GK5: variants seen among roughly 807,000 people sequenced by gnomAD.
The protein encoded by GK5 is glycerol kinase 5.
A neutral mutation model predicts 77.3 loss-of-function variants in GK5; 39 were observed. The ratio of observed to expected loss-of-function variants is 0.50; its 90% CI spans 0.39 to 0.66. The LOEUF is 0.66. GK5 is among the 30% of genes least tolerant of loss of function. GK5 has a pLI of 0.00. For missense variants in GK5, 487 were observed against 633.8 expected, an observed-to-expected ratio of 0.77 and a Z score of 2.49; for synonymous variants, 211 against 208.0, an observed-to-expected ratio of 1.01 and a Z score of -0.13.
In GK5 at chr3:142,225,442, A is replaced by G. The variant is rs1311406302; in HGVS notation, c.14T>C (p.Leu5Pro). Residue 5 changes from leucine (L) to proline (P), a missense_variant, in exon 1 of 16, where the codon CTC becomes CCC. By Grantham distance (98) the Leu-to-Pro change is moderately conservative. Coordinates refer to ENST00000392993, the MANE Select transcript of GK5 (RefSeq NM_001039547.3). ...CTGCGCTCTCTGCTCCGGGTCCGTG[A>G]GCAGCCCCGACATCCCGATCCCGCA... Reference protein sequence around the residue: MSGLLTDPEQRAQEP... With the variant: MSGLPTDPEQRAQEP... 5 of 1,603,068 alleles carry G rather than the reference A, an allele frequency of 3.1e-6. No homozygotes were observed. The highest frequency in any genetic ancestry group is 4.2e-6 in the Non-Finnish European group (5 of 1,178,068).
chr3:142,175,422 A>G (rs563813575), intron 12 of GK5, among the ~76,000 whole-genome samples: 1 of 152,276 alleles, frequency 6.6e-6, no homozygotes, highest in East Asian at 1.9e-4. Flanking sequence ...GGCCTTCAAC[A>G]TCCAGATCCC....
chr3:142,221,023 C>T (rs2064339297), intron 1 of GK5, among the ~76,000 whole-genome samples: 2 of 152,046 alleles, frequency 1.3e-5, no homozygotes, highest in African/African-American at 4.8e-5. Context: ...ACCTAAGTGC[C>T]AGGGCAAGGC....
At chr3:142,172,326 G>A (rs1485942849) in intron 13 of GK5, 27 bp downstream of exon 13, 2 of 1,062,074 alleles carry the variant, frequency 1.9e-6, no homozygotes, top group African/African-American at 1.5e-5. Context: ...CTATGGGGAA[G>A]GGGAAGTTTA....
intron 12 of GK5, among the ~76,000 whole-genome samples, chr3:142,175,940 G>A (rs2063604000): frequency 6.6e-6 from 1 of 151,352 alleles, no homozygotes; most frequent in Admixed American, 6.6e-5. Context: ...ACTAAGTCCT[G>A]TAGCACATTT....
chr3:142,198,009 G>T (rs2063960723), intron 5 of GK5, among the ~76,000 whole-genome samples: 1 of 149,174 alleles, frequency 6.7e-6, no homozygotes, highest in Non-Finnish European at 1.5e-5. Flanking sequence ...GTGACAGGGT[G>T]AGACTCTGTC....
chr3:142,203,725 G>C (rs1311683560), intron 4 of GK5, among the ~76,000 whole-genome samples: 2 of 152,178 alleles, frequency 1.3e-5, no homozygotes, highest in East Asian at 3.8e-4. Flanking sequence ...AGTGAGCTGA[G>C]ATCGCGCCAC....
intron 15 of GK5, 189 bp downstream of exon 15, chr3:142,170,136 G>C: frequency 1.4e-6 from 1 of 698,452 alleles, no homozygotes; most frequent in Non-Finnish European, 2.6e-6. Flanking sequence ...GAGGATAGAA[G>C]AGGTGCAACC....
At position 142,213,552 on chromosome 3, in the gene GK5, C is replaced by G. The variant is rs2064226749; in HGVS notation, c.291G>C (p.Gln97His). ...TGTTCCACGTAATAAAAGTTGCTCT[C>G]TGTGTTGAAATGCCAAGACCAACAA... ...NQIVGLGIST[Q>H]RATFITWNKK... Residue 97 changes from glutamine (Q) to histidine (H), a missense_variant, in exon 3 of 16, where the codon CAG (glutamine) becomes CAC (histidine). Physicochemically the swap from Gln to His is conservative, Grantham distance 24. Coordinates refer to ENST00000392993, the MANE Select transcript of GK5 (RefSeq NM_001039547.3). The G allele has an allele frequency of 6.2e-7, 1 of 1,611,610 alleles. No homozygotes were observed. The highest frequency in any genetic ancestry group is 8.5e-7 in the Non-Finnish European group (1 of 1,177,830).
At chr3:142,166,123 C>T (rs2063470624) in intron 15 of GK5, among the ~76,000 whole-genome samples, 1 of 152,118 alleles carries the variant, frequency 6.6e-6, no homozygotes, top group Non-Finnish European at 1.5e-5. Flanking sequence ...GTGGTTCATG[C>T]CTGCAATCCC....
intron 15 of GK5, among the ~76,000 whole-genome samples, chr3:142,167,573 T>C (rs1355495268): frequency 6.6e-6 from 1 of 152,212 alleles, no homozygotes; most frequent in Non-Finnish European, 1.5e-5. Flanking sequence ...TTATTAAGTA[T>C]GTATAGAGCA....
Position 142,165,632 on chromosome 3 carries a change from T to C in GK5, c.1580A>G (p.Asn527Ser), listed in dbSNP as rs758118750. 1 of 1,610,692 alleles carries C rather than the reference T, an allele frequency of 6.2e-7. No individual in the cohort carries two copies. Among genetic ancestry groups the C allele is most frequent in the Non-Finnish European group, 8.5e-7 (1 of 1,178,966 alleles). Reference sequence around the variant, plus strand: ...TCATTTCATTTAGTGTTATGTCTTGTTATACCAATTCATGGAGCGTTTCAC... The same window carrying C: ...TCATTTCATTTAGTGTTATGTCTTGCTATACCAATTCATGGAGCGTTTCAC... ...KAVKRSMNWY[N>S]KT is the part of the protein sequence containing the mutation. Residue 527 changes from asparagine to serine, a missense_variant, in exon 16 of 16, where the codon AAC (asparagine) becomes AGC (serine). This residue lies in a region of GK5 where 65 missense variants were observed against 89.9 expected (regional missense o/e 0.72). Coordinates refer to ENST00000392993, the MANE Select transcript of GK5 (RefSeq NM_001039547.3).
chr3:142,175,314 A>G (rs1282494160), intron 12 of GK5, among the ~76,000 whole-genome samples: 1 of 152,164 alleles, frequency 6.6e-6, no homozygotes. Flanking sequence ...CCTTTCTGCC[A>G]TTCCCTGAAG....
intron 6 of GK5, 74 bp downstream of exon 6, chr3:142,187,630 T>C: frequency 9.2e-7 from 1 of 1,088,416 alleles, no homozygotes; most frequent in Non-Finnish European, 1.4e-6. Context: ...AAGTAACTTC[T>C]ACTTTTTTTA....
chr3:142,216,276 G>A (rs2064275916), intron 1 of GK5, among the ~76,000 whole-genome samples: 1 of 152,162 alleles, frequency 6.6e-6, no homozygotes, highest in Non-Finnish European at 1.5e-5. Flanking sequence ...CAGAGGAAGT[G>A]CCAGGATAAG....
At chr3:142,195,253 G>C (rs1190709029) in intron 5 of GK5, among the ~76,000 whole-genome samples, 1 of 151,892 alleles carries the variant, frequency 6.6e-6, no homozygotes, top group Non-Finnish European at 1.5e-5. Flanking sequence ...CTGTATTCTT[G>C]GGATAAATCC....
intron 5 of GK5, 57 bp from the exon 6 acceptor site, chr3:142,187,836 A>T: frequency 1.6e-6 from 2 of 1,216,732 alleles, no homozygotes; most frequent in Non-Finnish European, 2.4e-6. Context: ...TAAGTGCATG[A>T]TTAAATGCAG....
chr3:142,194,679 T>C (rs761241531), intron 5 of GK5, among the ~76,000 whole-genome samples: 57 of 152,002 alleles, frequency 3.7e-4, no homozygotes, highest in Non-Finnish European at 2.2e-4. Context: ...TGACAGACTC[T>C]GTGTCAAAAA....
In GK5 at chr3:142,159,817, AT is replaced by A. The variant is rs2063410830; in HGVS notation, c.*5804del. The A allele has an allele frequency of 7.0e-6, 1 of 142,802 alleles. No homozygotes were observed. Among genetic ancestry groups the A allele is most frequent in the Non-Finnish European group, 1.5e-5 (1 of 65,964 alleles). 8.8% of individuals were successfully genotyped at this position (142,802 alleles called of 1,614,324 possible). A position where few individuals can be genotyped will look rare whatever the true frequency, so the allele number is the denominator to read the frequency against. On this transcript the variant is annotated 3_prime_UTR_variant, in exon 16 of 16. Transcript: ENST00000392993. Reference sequence around the variant, plus strand: ...CAAGTAGGTTGTAAAGGCCCAAGGTATGTTTGGGGCTTTCTCTCTCTCTCTC... The same window carrying A: ...CAAGTAGGTTGTAAAGGCCCAAGGTAGTTTGGGGCTTTCTCTCTCTCTCTC...
At position 142,163,814 on chromosome 3, in the gene GK5, A is replaced by T. The variant is rs957150921; in HGVS notation, c.*1808T>A. 6.6e-6 allele frequency: 1 copy of T among 152,050 alleles called. No individual in the cohort carries two copies. Among genetic ancestry groups the T allele is most frequent in the African/African-American group, 2.4e-5 (1 of 41,382 alleles). The allele number at this position is 152,050 out of a possible 1,614,324, so 9.4% of individuals were successfully genotyped here. On this transcript the variant is annotated 3_prime_UTR_variant, in exon 16 of 16. Transcript: ENST00000392993. ...AATTAAAGACTACCCTGGGCAACAC[A>T]GCAAGACCCTGTCTCTACAAAAAAA... is the stretch of plus-strand genomic sequence containing the variant.
Sources: allele counts gnomAD v4.1 joint callset (sites outside exome capture counted in the v4.1 genomes callset), GRCh38; gene constraint gnomAD v4.1.1; regional missense constraint gnomAD v4.1.1; transcripts MANE v1.5; gene names NCBI Gene and HGNC (gene_info 2026-07-23, HGNC 2026-07-21).